Variants in SAR1B observed in about 807,000 individuals in gnomAD.
SAR1B encodes small COPII coat GTPase SAR1B.
Under a neutral mutation model 26.8 loss-of-function variants are expected in SAR1B, and 23 were observed. That is an observed-to-expected ratio of 0.86 (90% CI 0.62 to 1.22). The LOEUF (loss-of-function observed/expected upper bound fraction) is 1.22. Among genes scored for constraint, SAR1B ranks in the 50% most tolerant of loss-of-function variants. The pLI, the probability that SAR1B is intolerant of heterozygous loss-of-function variation, is 0.00. For missense variants in SAR1B, 196 were observed against 232.8 expected, an observed-to-expected ratio of 0.84 and a Z score of 1.03; for synonymous variants, 65 against 80.8, an observed-to-expected ratio of 0.80 and a Z score of 1.05.
intron 2 of SAR1B, among the ~76,000 whole-genome samples, chr5:134,622,513 C>T (rs530111627): frequency 4.7e-5 from 7 of 150,248 alleles, no homozygotes; most frequent in South Asian, 2.1e-4. Context: ...TGGGTTCAAG[C>T]GATTCTCCTG....
intron 1 of SAR1B, among the ~76,000 whole-genome samples, chr5:134,626,510 CAT>C (rs1166904292): frequency 2.0e-5 from 3 of 152,024 alleles, no homozygotes; most frequent in African/African-American, 7.2e-5. Flanking sequence ...ACTATTAAGA[CAT>C]GTGAAGAGCA....
At chr5:134,608,915 C>G (rs1317899290) in intron 5 of SAR1B, 1 of 365,626 alleles carries the variant, frequency 2.7e-6, no homozygotes, top group Admixed American at 3.8e-5. Context: ...TACGCACAGT[C>G]TCTGGAACAA....
rs1443650207 is a variant in SAR1B, at chr5:134,603,027, A to C, written c.*3923T>G. 6.6e-6 allele frequency: 1 copy of C among 152,250 alleles called. No individual in the cohort carries two copies. The highest frequency in any genetic ancestry group is 1.9e-4 in the East Asian group (1 of 5,206). 9.4% of individuals were successfully genotyped at this position (152,250 alleles called of 1,614,324 possible). ...ATATTTTATTCACTATTAATTTTGC[A>C]TTAAGAAACTTATGTTTGCTAATTT... On this transcript the variant is annotated 3_prime_UTR_variant, in exon 7 of 7. Coordinates refer to ENST00000402673, the MANE Select transcript of SAR1B (RefSeq NM_016103.4).
chr5:134,618,660 A>G (rs937298871), intron 3 of SAR1B, among the ~76,000 whole-genome samples: 2 of 152,246 alleles, frequency 1.3e-5, no homozygotes, highest in East Asian at 3.8e-4. Flanking sequence ...TTTATTCTCA[A>G]ATTCGTTACA....
At chr5:134,616,632 A>G (rs1279612610) in intron 3 of SAR1B, among the ~76,000 whole-genome samples, 1 of 152,190 alleles carries the variant, frequency 6.6e-6, no homozygotes, top group Non-Finnish European at 1.5e-5. Context: ...TATTTAAGAT[A>G]CAGAACACTG....
chr5:134,624,102 C>G, intron 1 of SAR1B, 65 bp from the exon 2 acceptor site: 1 of 870,958 alleles, frequency 1.1e-6, no homozygotes. Context: ...AACTCCAATA[C>G]TGTTAAACAC....
rs1393855937 is a variant in SAR1B at position 134,605,579 on chromosome 5, C to G, written c.*1371G>C. Reference sequence around the variant, plus strand: ...CAGAACTTTGGGAGGCCAAGGCGGGCAGATCACTTGAGGTCAGGAGTTTGA... The same window carrying G: ...CAGAACTTTGGGAGGCCAAGGCGGGGAGATCACTTGAGGTCAGGAGTTTGA... On this transcript the variant is annotated 3_prime_UTR_variant, in exon 7 of 7. Coordinates refer to ENST00000402673, the MANE Select transcript of SAR1B (RefSeq NM_016103.4). 7.0e-6 allele frequency: 1 copy of G among 142,912 alleles called. No individual in the cohort carries two copies. The highest frequency in any genetic ancestry group is 2.6e-5 in the African/African-American group (1 of 38,228). 8.9% of individuals were successfully genotyped at this position (142,912 alleles called of 1,614,324 possible).
At chr5:134,619,926 C>T (rs1008263480) in intron 3 of SAR1B, among the ~76,000 whole-genome samples, 12 of 151,732 alleles carry the variant, frequency 7.9e-5, no homozygotes, top group Non-Finnish European at 1.3e-4. Context: ...TTAAATGGTG[C>T]GCTATGATCA....
rs1765090658 is a variant in SAR1B at position 134,604,096 on chromosome 5, GATA to G, written c.*2851_*2853del. The G allele has an allele frequency of 6.6e-6, 1 of 152,174 alleles. No individual in the cohort carries two copies. The highest frequency in any genetic ancestry group is 2.4e-5 in the African/African-American group (1 of 41,428). The allele number at this position is 152,174 out of a possible 1,614,324, so 9.4% of individuals were successfully genotyped here. ...AATCTCCATTCTAAAAATTCACTGA[GATA>G]AACTGAAATCTATCAATTTAACCAG... On this transcript the variant is annotated 3_prime_UTR_variant, in exon 7 of 7. Coordinates refer to ENST00000402673, the MANE Select transcript of SAR1B (RefSeq NM_016103.4).
intron 5 of SAR1B, chr5:134,608,971 C>A (rs756493890): frequency 5.0e-6 from 2 of 402,790 alleles, no homozygotes; most frequent in Non-Finnish European, 9.9e-6. Flanking sequence ...AACCATAGAA[C>A]CTACCTGGAC....
chr5:134,617,133 G>C (rs1295800779), intron 3 of SAR1B, among the ~76,000 whole-genome samples: 1 of 152,076 alleles, frequency 6.6e-6, no homozygotes, highest in African/African-American at 2.4e-5. Flanking sequence ...TTGGGAGACT[G>C]AGGTGGGAGG....
At chr5:134,613,684 C>T (rs1189706315) in intron 3 of SAR1B, 1 of 152,186 alleles carries the variant, frequency 6.6e-6, no homozygotes, top group African/African-American at 2.4e-5. Context: ...TCATATAATT[C>T]ATCTTAAATG....
Position 134,612,684 on chromosome 5 carries a change from A to AAAATAACAT in SAR1B, c.244+6_244+7insATGTTATTT. 1 of 1,017,752 alleles carries AAAATAACAT rather than the reference A, an allele frequency of 9.8e-7. No individual in the cohort carries two copies. Among genetic ancestry groups the AAAATAACAT allele is most frequent in the Non-Finnish European group, 1.4e-6 (1 of 711,308 alleles). 63.0% of individuals were successfully genotyped at this position (1,017,752 alleles called of 1,614,324 possible). A position where few individuals can be genotyped will look rare whatever the true frequency, so the allele number is the denominator to read the frequency against. ...AAAAAAAAAAAAAAAAAAAAAAAGA[A>AAAATAACAT]TCTTACCTTGAACATGTCCACCCAG... is the stretch of plus-strand genomic sequence containing the variant. On this transcript the variant is annotated splice_region_variant and intron_variant, in intron 4 of 6. Transcript: ENST00000402673.
chr5:134,612,681 A>AAAAAAAAATT lies in SAR1B; in HGVS notation c.244+9_244+10insAATTTTTTTT. ...AAAAAAAAAAAAAAAAAAAAAAAAA[A>AAAAAAAAATT]GAATCTTACCTTGAACATGTCCACC... On this transcript the variant is annotated intron_variant, in intron 4 of 6. Transcript: ENST00000402673. 7 of 1,124,708 alleles carry AAAAAAAAATT rather than the reference A, an allele frequency of 6.2e-6. No individual in the cohort carries two copies. The highest frequency in any genetic ancestry group is 7.2e-6 in the Non-Finnish European group (6 of 836,258). 69.7% of individuals were successfully genotyped at this position (1,124,708 alleles called of 1,614,324 possible). A position where few individuals can be genotyped will look rare whatever the true frequency, so the allele number is the denominator to read the frequency against.
In SAR1B at chr5:134,612,678, AAAAGAAT is replaced by A; in HGVS notation, c.244+6_244+12del. On this transcript the variant is annotated splice_donor_region_variant and intron_variant, in intron 4 of 6. Transcript: ENST00000402673. ...AAAAAAAAAAAAAAAAAAAAAAAAA[AAAAGAAT>A]CTTACCTTGAACATGTCCACCCAGA... The A allele has an allele frequency of 2.0e-6, 2 of 1,000,218 alleles. No individual in the cohort carries two copies. Among genetic ancestry groups the A allele is most frequent in the Admixed American group, 2.9e-5 (1 of 34,264 alleles). The allele number at this position is 1,000,218 out of a possible 1,614,324, so 62.0% of individuals were successfully genotyped here.
At chr5:134,625,359 C>T (rs1234282350) in intron 1 of SAR1B, among the ~76,000 whole-genome samples, 8 of 152,002 alleles carry the variant, frequency 5.3e-5, no homozygotes. Context: ...TTAGGAACAT[C>T]CAGAATAGAA....
intron 3 of SAR1B, among the ~76,000 whole-genome samples, chr5:134,615,074 C>T (rs916291907): frequency 5.3e-5 from 8 of 151,802 alleles, no homozygotes; most frequent in African/African-American, 1.2e-4. Context: ...GGGGGCCGGG[C>T]GCGGTGGCTC....
At chr5:134,607,238 C>T (rs1235802384) in intron 6 of SAR1B, among the ~76,000 whole-genome samples, 172 bp from the exon 7 acceptor site, 1 of 152,154 alleles carries the variant, frequency 6.6e-6, no homozygotes, top group Non-Finnish European at 1.5e-5. Context: ...AAGAAGCCTC[C>T]TTCTCTCACT....
intron 3 of SAR1B, 120 bp from the exon 4 acceptor site, chr5:134,612,876 A>G: frequency 1.1e-6 from 1 of 899,552 alleles, no homozygotes; most frequent in Non-Finnish European, 1.7e-6. Context: ...ATAAATAGTA[A>G]CTTCTCTTAG....
Sources: allele counts gnomAD v4.1 joint callset (sites outside exome capture counted in the v4.1 genomes callset), GRCh38; gene constraint gnomAD v4.1.1; transcripts MANE v1.5; gene names NCBI Gene and HGNC (gene_info 2026-07-23, HGNC 2026-07-21).